ZFAND3: variants seen among roughly 807,000 people sequenced by gnomAD.
The protein encoded by ZFAND3 is zinc finger AN1-type containing 3, also known as AN1-type zinc finger protein 3.
Under a neutral mutation model 29.6 loss-of-function variants are expected in ZFAND3, and 10 were observed. The ratio of observed to expected loss-of-function variants is 0.34; its 90% CI spans 0.21 to 0.57. ZFAND3 has a LOEUF of 0.57. Among genes scored for constraint, ZFAND3 ranks in the 20% least tolerant of loss-of-function variants. ZFAND3 has a pLI of 0.86. For missense variants in ZFAND3, 230 were observed against 304.5 expected (o/e 0.76, Z 1.82); for synonymous variants, 128 against 112.6 (o/e 1.14, Z -0.87).
At position 37,908,627 on chromosome 6, in the gene ZFAND3, C is replaced by T. The variant is rs1765457450; in HGVS notation, c.72-21332C>T. Among the ~76,000 whole-genome samples the T allele has an allele frequency of 2.0e-5, 3 of 150,770 alleles. No homozygotes were observed. In the South Asian group the frequency reaches 6.3e-4, roughly 32 times the overall value. ...ACATGGAGGTTCCTGGAGAGTGGCC[C>T]ACTCAGGAAGGCTTGGAAGCTCCCA... is the stretch of plus-strand genomic sequence containing the variant. On this transcript the variant is annotated intron_variant, in intron 1 of 5. Coordinates refer to ENST00000287218, the MANE Select transcript of ZFAND3 (RefSeq NM_021943.3).
At position 38,153,979 on chromosome 6, in the gene ZFAND3, G is replaced by A. The variant is rs1766292720; in HGVS notation, c.*1590G>A. 1.0e-6 allele frequency: 1 copy of A among 985,304 alleles called. No individual in the cohort carries two copies. Among genetic ancestry groups the A allele is most frequent in the East Asian group, 1.1e-4 (1 of 8,828 alleles). 61.0% of individuals were successfully genotyped at this position (985,304 alleles called of 1,614,324 possible). ...ACACCTGCAACTGCAAATGTTTTTT[G>A]ATCCGACGTACTGAAATAGGAAGTC... On this transcript the variant is annotated 3_prime_UTR_variant, in exon 6 of 6. Transcript: ENST00000287218.
intron 2 of ZFAND3, among the ~76,000 whole-genome samples, chr6:38,026,427 T>A (rs1324865334): frequency 7.4e-6 from 1 of 135,274 alleles, no homozygotes; most frequent in East Asian, 2.1e-4. Flanking sequence ...TAGGATTTTT[T>A]TTTTTTTTTT....
intron 1 of ZFAND3, among the ~76,000 whole-genome samples, chr6:37,867,046 A>T (rs1052158297): frequency 6.6e-6 from 1 of 152,170 alleles, no homozygotes; most frequent in Non-Finnish European, 1.5e-5. Flanking sequence ...CCTTTAGGGG[A>T]CCCAAAAGGA....
intron 2 of ZFAND3, among the ~76,000 whole-genome samples, chr6:38,030,637 G>A (rs1227485535): frequency 6.6e-6 from 1 of 152,074 alleles, no homozygotes; most frequent in East Asian, 1.9e-4. Context: ...ATCTTTAAAA[G>A]GGGAGAAAGA....
intron 1 of ZFAND3, among the ~76,000 whole-genome samples, chr6:37,851,998 T>A (rs6902729): frequency 1.5e-3 from 231 of 152,354 alleles, no homozygotes; most frequent in African/African-American, 5.2e-3. Flanking sequence ...TTGATCTAAC[T>A]TCTAAAGAAT....
chr6:38,073,013 T>G (rs556124581), intron 3 of ZFAND3, among the ~76,000 whole-genome samples: 1 of 152,324 alleles, frequency 6.6e-6, no homozygotes, highest in East Asian at 1.9e-4. Flanking sequence ...CAGTGTTCAC[T>G]TCTGCCTGTA....
At chr6:38,105,347 G>A (rs909430958) in intron 4 of ZFAND3, among the ~76,000 whole-genome samples, 16 of 152,082 alleles carry the variant, frequency 1.1e-4, no homozygotes, top group African/African-American at 3.4e-4. Context: ...TGAGGCTGCC[G>A]TGACCTGTGA....
At chr6:37,881,864 C>A (rs1764902635) in intron 1 of ZFAND3, among the ~76,000 whole-genome samples, 1 of 151,510 alleles carries the variant, frequency 6.6e-6, no homozygotes, top group Non-Finnish European at 1.5e-5. Context: ...AAAAAAAAAA[C>A]ATTCCTTTGG....
At chr6:38,020,759 C>G (rs558997802) in intron 2 of ZFAND3, among the ~76,000 whole-genome samples, 4 of 152,154 alleles carry the variant, frequency 2.6e-5, no homozygotes, top group Non-Finnish European at 5.9e-5. Context: ...TCACTTCAGG[C>G]TGATGACCGT....
chr6:38,059,639 A>C (rs1764196826), intron 2 of ZFAND3, among the ~76,000 whole-genome samples: 1 of 152,182 alleles, frequency 6.6e-6, no homozygotes, highest in Non-Finnish European at 1.5e-5. Context: ...GCACTTTGGG[A>C]GACTGAGGCG....
chr6:37,981,018 C>A (rs1438377690), intron 2 of ZFAND3, among the ~76,000 whole-genome samples: 1 of 152,128 alleles, frequency 6.6e-6, no homozygotes, highest in Admixed American at 6.5e-5. Context: ...TTGGAATATA[C>A]TTCTGAGGGC....
intron 2 of ZFAND3, among the ~76,000 whole-genome samples, chr6:37,983,398 C>T (rs1762613648): frequency 9.3e-6 from 1 of 107,964 alleles, no homozygotes. Flanking sequence ...CTCTTGTTGC[C>T]TAGGCTGGAG....
chr6:37,971,958 G>C (rs1458168008), intron 2 of ZFAND3, among the ~76,000 whole-genome samples: 1 of 151,284 alleles, frequency 6.6e-6, no homozygotes, highest in Non-Finnish European at 1.5e-5. Flanking sequence ...CTGGGCGATA[G>C]AACAAGGCCC....
intron 1 of ZFAND3, among the ~76,000 whole-genome samples, chr6:37,900,201 A>G (rs1202686652): frequency 6.6e-6 from 1 of 152,182 alleles, no homozygotes; most frequent in African/African-American, 2.4e-5. Context: ...AACCCTTGCA[A>G]TACAAGTTTT....
chr6:37,859,874 TTTC>T (rs1764449611), intron 1 of ZFAND3, among the ~76,000 whole-genome samples: 2 of 149,900 alleles, frequency 1.3e-5, no homozygotes, highest in African/African-American at 2.4e-5. Flanking sequence ...TTTTTTTTTT[TTTC>T]TTTCTTTTTT....
At chr6:37,839,301 T>C (rs1439744588) in intron 1 of ZFAND3, among the ~76,000 whole-genome samples, 21 of 140,166 alleles carry the variant, frequency 1.5e-4, no homozygotes, top group African/African-American at 4.7e-4. Flanking sequence ...CTGCCTCAGC[T>C]TCCCGGGTAG....
chr6:37,919,034 A>C (rs1274158406), intron 1 of ZFAND3, among the ~76,000 whole-genome samples: 1 of 143,520 alleles, frequency 7.0e-6, no homozygotes, highest in African/African-American at 2.7e-5. Context: ...GCTCACTGCA[A>C]CCTCCGACTC....
intron 1 of ZFAND3, among the ~76,000 whole-genome samples, chr6:37,921,927 G>A (rs1761389191): frequency 6.6e-6 from 1 of 151,550 alleles, no homozygotes; most frequent in Non-Finnish European, 1.5e-5. Flanking sequence ...AGCTGAGTGT[G>A]GTGGCATGTA....
chr6:37,829,309 G>A (rs1400166817), intron 1 of ZFAND3, among the ~76,000 whole-genome samples: 1 of 151,858 alleles, frequency 6.6e-6, no homozygotes, highest in Non-Finnish European at 1.5e-5. Flanking sequence ...GCTGAGGTGG[G>A]CAGATCACCT....
Sources: gnomAD v4.1 joint callset for allele counts (sites outside exome capture counted in the v4.1 genomes callset) on GRCh38, gnomAD v4.1.1 for gene constraint, MANE v1.5 for transcripts, NCBI Gene and HGNC (gene_info 2026-07-23, HGNC 2026-07-21) for gene names.